Variants in SLC6A16 observed in about 807,000 individuals in gnomAD.
The protein encoded by SLC6A16 is solute carrier family 6 member 16, also known as orphan sodium- and chloride-dependent neurotransmitter transporter NTT5.
SLC6A16 carries 54 observed loss-of-function variants against 65.4 expected under a neutral mutation model. The ratio of observed to expected loss-of-function variants is 0.83; its 90% confidence interval spans 0.66 to 1.04. The LOEUF is 1.04. SLC6A16 is among the 50% of genes least tolerant of loss of function. The pLI is 0.00. For synonymous variants in SLC6A16, 330 were observed against 346.5 expected (o/e 0.95, Z 0.53); for missense variants, 816 against 914.0 (o/e 0.89, Z 1.38).
intron 9 of SLC6A16, 60 bp downstream of exon 9, chr19:49,293,767 G>T: frequency 6.8e-7 from 1 of 1,463,648 alleles, no homozygotes; most frequent in Non-Finnish European, 9.5e-7. Flanking sequence ...CCCAAAAAAA[G>T]AGTCCCAGTG....
intron 1 of SLC6A16, among the ~76,000 whole-genome samples, chr19:49,319,463 GTA>G (rs1438452208): frequency 2.0e-5 from 3 of 149,968 alleles, no homozygotes; most frequent in Admixed American, 1.3e-4. Flanking sequence ...ATACATATGT[GTA>G]TATGTGTATA....
At chr19:49,336,138 A>T in the SLC6A16 span, 1 of 318,144 alleles carries the variant, frequency 3.1e-6, no homozygotes, top group Non-Finnish European at 5.9e-6. Context: ...CATTAATAAT[A>T]GGAAAATAAT....
chr19:49,294,607 C>A, intron 7 of SLC6A16, 54 bp from the exon 8 acceptor site: 1 of 1,412,164 alleles, frequency 7.1e-7, no homozygotes, highest in Non-Finnish European at 9.6e-7. Context: ...AGGAGATAGT[C>A]TCCTTTTCCC....
chr19:49,294,265 G>T, intron 8 of SLC6A16, 102 bp downstream of exon 8: 2 of 1,165,674 alleles, frequency 1.7e-6, no homozygotes, highest in South Asian at 1.4e-5. Context: ...AGATGATTCT[G>T]GTGCTTCCGG....
At chr19:49,331,327 C>T in the SLC6A16 span, among the ~76,000 whole-genome samples, 10 of 152,076 alleles carry the variant, frequency 6.6e-5, no homozygotes, top group Admixed American at 6.6e-4. Flanking sequence ...ACTGTAGGTA[C>T]ATACCACAAA....
At chr19:49,318,443 C>A (rs1970651592) in intron 1 of SLC6A16, among the ~76,000 whole-genome samples, 1 of 152,110 alleles carries the variant, frequency 6.6e-6, no homozygotes, top group African/African-American at 2.4e-5. Context: ...CAAAGGCCAA[C>A]ATTCCTTAAG....
the SLC6A16 span, chr19:49,336,771 CAG>C: frequency 1.2e-6 from 1 of 802,502 alleles, no homozygotes; most frequent in Non-Finnish European, 2.0e-6. Flanking sequence ...AACAGGGACT[CAG>C]GGTGGGGCAG....
At chr19:49,317,513 A>G (rs1259212067) in intron 1 of SLC6A16, among the ~76,000 whole-genome samples, 1 of 151,884 alleles carries the variant, frequency 6.6e-6, no homozygotes, top group African/African-American at 2.4e-5. Flanking sequence ...ACACTACAAA[A>G]CTGTACAAAT....
chr19:49,314,461 AAT>A (rs1331543169), intron 1 of SLC6A16, among the ~76,000 whole-genome samples: 7 of 152,164 alleles, frequency 4.6e-5, no homozygotes, highest in African/African-American at 1.7e-4. Flanking sequence ...TCCCTCAATA[AAT>A]ATGTCTTTTT....
At chr19:49,324,110 G>A (rs1163494622) in intron 1 of SLC6A16, among the ~76,000 whole-genome samples, 2 of 151,946 alleles carry the variant, frequency 1.3e-5, no homozygotes, top group East Asian at 1.9e-4. Flanking sequence ...CGGGTGGATC[G>A]GCTGAGGTCA....
the SLC6A16 span, chr19:49,335,254 C>T: frequency 6.3e-6 from 3 of 473,414 alleles, no homozygotes; most frequent in Admixed American, 3.9e-5. The surrounding 1 kb of genome is among the most constrained non-coding windows in gnomAD (Gnocchi z 4.6). Context: ...AGGGACTGCC[C>T]CATGAGTCCT....
At position 49,299,884 on chromosome 19, in the gene SLC6A16, G is replaced by A. The variant is rs372114732; in HGVS notation, c.1230-5331C>T. Among the ~76,000 whole-genome samples, 33 of 86,096 alleles carry A rather than the reference G, an allele frequency of 3.8e-4. No homozygotes were observed. The South Asian group carries it at 0.014, about 36-fold the overall frequency. 56.5% of individuals were successfully genotyped at this position (86,096 alleles called of 152,430 possible). A position where few individuals can be genotyped will look rare whatever the true frequency, so the allele number is the denominator to read the frequency against. ...CTAAAAATATAAAAACTAGCCGGGC[G>A]TGGTGGTGGGCACCTGTAATCCCAG... On this transcript the variant is annotated intron_variant, in intron 7 of 11. Transcript: ENST00000335875.
upstream of SLC6A16, among the ~76,000 whole-genome samples, chr19:49,327,572 T>C (rs1057272335): frequency 1.3e-5 from 2 of 152,218 alleles, no homozygotes; most frequent in Non-Finnish European, 2.9e-5. Context: ...TCAATAAATA[T>C]TTATTGAATG....
chr19:49,311,857 A>C (rs1970529743), intron 1 of SLC6A16, among the ~76,000 whole-genome samples: 1 of 151,930 alleles, frequency 6.6e-6, no homozygotes, highest in Non-Finnish European at 1.5e-5. Flanking sequence ...TCAAAAAAAA[A>C]AGAAAAAAAA....
the SLC6A16 span, among the ~76,000 whole-genome samples, chr19:49,339,162 C>A: frequency 6.6e-6 from 1 of 152,148 alleles, no homozygotes; most frequent in Admixed American, 6.5e-5. This position sits in a 1 kb window ranked among gnomAD's most constrained non-coding sequence, Gnocchi z 4.5. Flanking sequence ...AGGGGCCAGG[C>A]TTGGAAAAGG....
At chr19:49,326,698 ATAAT>A (rs1473805285), upstream of SLC6A16, among the ~76,000 whole-genome samples, 4 of 152,102 alleles carry the variant, frequency 2.6e-5, no homozygotes, top group Non-Finnish European at 4.4e-5. Context: ...TGAATCTCAA[ATAAT>A]TACATGATTA....
rs772650681 is a variant in SLC6A16, at chr19:49,320,423, AC to A, written c.-65+4624del. ...ACTCCCTCTAAAAACAAACAAACAA[AC>A]AAACAAAAAAAAACCAGATCTTGAA... On this transcript the variant is annotated intron_variant, in intron 1 of 11. Coordinates refer to ENST00000335875, the MANE Select transcript of SLC6A16 (RefSeq NM_014037.3). Among the ~76,000 whole-genome samples, 8 of 129,032 alleles carry A rather than the reference AC, an allele frequency of 6.2e-5. 1 individual carries two copies. Among genetic ancestry groups the A allele is most frequent in the African/African-American group, 2.1e-4 (7 of 33,532 alleles). 84.7% of individuals were successfully genotyped at this position (129,032 alleles called of 152,430 possible).
At chr19:49,327,388 C>T (rs1229955176), upstream of SLC6A16, among the ~76,000 whole-genome samples, 3 of 152,122 alleles carry the variant, frequency 2.0e-5, no homozygotes, top group Non-Finnish European at 4.4e-5. Context: ...GCGCCCGGCC[C>T]ATAGACCTAA....
Position 49,290,614 on chromosome 19 carries a change from G to A in SLC6A16, c.1932C>T (p.Asp644=). Residue 644 remains aspartate (D), a synonymous_variant, in exon 11 of 12, where the codon GAC becomes GAT. Coordinates refer to ENST00000335875, the MANE Select transcript of SLC6A16 (RefSeq NM_014037.3). ...CMKPITYMSW[D]SSTSKEVLRP... ...CCTGGGGGAGGCTCACGGTGCTTGA[G>A]TCCCAGGACATGTAGGTGATCGGCT... is the stretch of plus-strand genomic sequence containing the variant. The A allele has an allele frequency of 6.2e-7, 1 of 1,614,130 alleles. No homozygotes were observed. The highest frequency in any genetic ancestry group is 8.5e-7 in the Non-Finnish European group (1 of 1,180,020).
Sources: gnomAD v4.1 joint callset for allele counts (sites outside exome capture counted in the v4.1 genomes callset) on GRCh38, gnomAD v4.1.1 for gene constraint, Gnocchi (gnomAD v3.1) non-coding constraint, MANE v1.5 for transcripts, NCBI Gene and HGNC (gene_info 2026-07-23, HGNC 2026-07-21) for gene names.